CPNE4: variants seen among roughly 807,000 people sequenced by gnomAD.
CPNE4 encodes the protein copine-4.
CPNE4 carries 25 observed loss-of-function variants against 67.9 expected under a neutral mutation model. The ratio of observed to expected loss-of-function variants is 0.37; its 90% CI spans 0.27 to 0.51. The LOEUF is 0.51. Among genes scored for constraint, CPNE4 ranks in the 20% least tolerant of loss-of-function variants. The pLI, the probability that CPNE4 is intolerant of heterozygous loss-of-function variation, is 0.93. For missense variants in CPNE4, 464 were observed against 690.8 expected (o/e 0.67, Z 3.68); for synonymous variants, 242 against 244.9 (o/e 0.99, Z 0.11).
In CPNE4 at chr3:131,605,114, G is replaced by A. The variant is rs373451503; in HGVS notation, c.682-17532C>T. Among the ~76,000 whole-genome samples, 59 of 152,268 alleles carry A rather than the reference G, an allele frequency of 3.9e-4. No individual in the cohort carries two copies. The East Asian group carries it at 9.5e-3, about 24-fold the overall frequency. On this transcript the variant is annotated intron_variant, in intron 7 of 15. Coordinates refer to ENST00000429747, the MANE Select transcript of CPNE4 (RefSeq NM_130808.3). Reference sequence around the variant, plus strand: ...TAACTTTATTGAGATTATTAAGCTAGAAAGGGATGAAGTTAGAATTTAAAT... The same window carrying A: ...TAACTTTATTGAGATTATTAAGCTAAAAAGGGATGAAGTTAGAATTTAAAT...
chr3:131,722,278 T>G (rs112563909), intron 3 of CPNE4, among the ~76,000 whole-genome samples: 3 of 152,104 alleles, frequency 2.0e-5, no homozygotes, highest in African/African-American at 7.2e-5. Flanking sequence ...TTAAGACATA[T>G]AATTTGGAAT....
intron 2 of CPNE4, among the ~76,000 whole-genome samples, chr3:131,745,366 G>A (rs1187483188): frequency 2.0e-5 from 3 of 152,010 alleles, no homozygotes; most frequent in Non-Finnish European, 4.4e-5. Context: ...ATAGGCTGTA[G>A]TTTGTCTTTT....
At chr3:131,661,010 AC>A (rs1172416577) in intron 7 of CPNE4, among the ~76,000 whole-genome samples, 2 of 152,336 alleles carry the variant, frequency 1.3e-5, no homozygotes, top group East Asian at 3.9e-4. Flanking sequence ...GATAGAAGCA[AC>A]CTGAGTTACT....
chr3:131,698,274 A>G (rs60686258), intron 4 of CPNE4, among the ~76,000 whole-genome samples: 18,516 of 147,074 alleles, frequency 0.13, 1,516 homozygotes, highest in African/African-American at 0.19. Context: ...AAAAAGATCA[A>G]ACTTTTCTTG....
At chr3:131,643,568 GA>G (rs2079589766) in intron 7 of CPNE4, among the ~76,000 whole-genome samples, 1 of 152,202 alleles carries the variant, frequency 6.6e-6, no homozygotes, top group Admixed American at 6.5e-5. Flanking sequence ...GGGACTGGTG[GA>G]AAGGCATAAT....
intron 14 of CPNE4, among the ~76,000 whole-genome samples, chr3:131,544,386 A>AGGT (rs1190069150): frequency 6.6e-6 from 1 of 152,104 alleles, no homozygotes; most frequent in East Asian, 1.9e-4. Context: ...TGTAAGCTGG[A>AGGT]GGTAGGTGAA....
At chr3:131,939,263 C>T (rs1330445559) in intron 1 of CPNE4, among the ~76,000 whole-genome samples, 1 of 151,914 alleles carries the variant, frequency 6.6e-6, no homozygotes, top group Non-Finnish European at 1.5e-5. Context: ...GAATACAATG[C>T]AGCTGTCAAC....
chr3:131,596,344 C>T (rs1191533300), intron 7 of CPNE4, among the ~76,000 whole-genome samples: 4 of 116,868 alleles, frequency 3.4e-5, no homozygotes, highest in Non-Finnish European at 5.2e-5. Flanking sequence ...GTAAAGCGGC[C>T]GGGCGCGGTG....
chr3:131,888,009 C>T (rs558030464), intron 2 of CPNE4, among the ~76,000 whole-genome samples: 159 of 152,252 alleles, frequency 1.0e-3, no homozygotes, highest in African/African-American at 3.0e-3. Context: ...TGCCTTCACA[C>T]GATCTGAAAC....
intron 14 of CPNE4, among the ~76,000 whole-genome samples, chr3:131,545,340 A>C (rs565798093): frequency 4.6e-5 from 7 of 152,346 alleles, no homozygotes; most frequent in Non-Finnish European, 1.0e-4. Context: ...CTGCTGATCT[A>C]AACTAGGGGT....
intron 7 of CPNE4, among the ~76,000 whole-genome samples, chr3:131,617,419 C>T (rs1940213777): frequency 6.6e-6 from 1 of 152,150 alleles, no homozygotes; most frequent in South Asian, 2.1e-4. Context: ...CCCAACAACC[C>T]AGGCAGATGG....
At chr3:131,544,762 G>A (rs1935730062) in intron 14 of CPNE4, among the ~76,000 whole-genome samples, 1 of 152,120 alleles carries the variant, frequency 6.6e-6, no homozygotes, top group Non-Finnish European at 1.5e-5. Context: ...GAGTGCACCT[G>A]GAAGACCAGG....
In CPNE4 at chr3:131,533,691, T is replaced by A. The variant is rs949751431; in HGVS notation, c.*1504A>T. 1.1e-4 allele frequency: 16 copies of A among 152,342 alleles called. No homozygotes were observed. Among genetic ancestry groups the A allele is most frequent in the African/African-American group, 3.4e-4 (14 of 41,580 alleles). The allele number at this position is 152,342 out of a possible 1,614,324, so 9.4% of individuals were successfully genotyped here. ...ATTTGGTGACATGTATTTGCAAGAT[T>A]AGGATCTATAATTGTAACTGTGGAA... On this transcript the variant is annotated 3_prime_UTR_variant, in exon 16 of 16. Transcript: ENST00000429747.
At chr3:131,735,522 G>GTCTTAAAGAT (rs2082214643) in intron 2 of CPNE4, among the ~76,000 whole-genome samples, 1 of 152,212 alleles carries the variant, frequency 6.6e-6, no homozygotes, top group South Asian at 2.1e-4. Context: ...GTCTTAAAGA[G>GTCTTAAAGAT]TTCTGCAGCA....
At chr3:131,850,185 T>G (rs1483105595) in intron 2 of CPNE4, among the ~76,000 whole-genome samples, 2 of 152,108 alleles carry the variant, frequency 1.3e-5, no homozygotes, top group Non-Finnish European at 2.9e-5. Context: ...TTTCTCAACT[T>G]AATGTTAACT....
chr3:131,765,450 C>G (rs2082987978), intron 2 of CPNE4, among the ~76,000 whole-genome samples: 1 of 152,062 alleles, frequency 6.6e-6, no homozygotes, highest in Non-Finnish European at 1.5e-5. Context: ...CTTACTGTGC[C>G]CACCAGTCAA....
At position 131,959,937 on chromosome 3, in the gene CPNE4, C is replaced by T. The variant is rs79360374; in HGVS notation, c.-1-54493G>A. Among the ~76,000 whole-genome samples, 1,121 of 152,188 alleles carry T rather than the reference C, an allele frequency of 7.4e-3. 11 individuals carry two copies. The highest frequency in any genetic ancestry group is 0.019 in the African/African-American group (806 of 41,492). On this transcript the variant is annotated intron_variant, in intron 1 of 15. Transcript: ENST00000429747. Reference sequence around the variant, plus strand: ...TTTAAATATCATCTGAATACTAAAACGCTACTGCAAATTTAAGTAATATGT... The same window carrying T: ...TTTAAATATCATCTGAATACTAAAATGCTACTGCAAATTTAAGTAATATGT...
rs1358346172 is a variant in CPNE4, at chr3:131,533,739, CTTG to C, written c.*1453_*1455del. 8.5e-5 allele frequency: 13 copies of C among 152,190 alleles called. No individual in the cohort carries two copies. The South Asian group carries it at 1.2e-3, about 15-fold the overall frequency. The allele number at this position is 152,190 out of a possible 1,614,324, so 9.4% of individuals were successfully genotyped here. On this transcript the variant is annotated 3_prime_UTR_variant, in exon 16 of 16. Transcript: ENST00000429747. ...GAAATCATAGAAGGCATTTTATTTG[CTTG>C]TTAATACTGCTCCCCTCTTCAAACA...
chr3:131,934,725 C>T lies in CPNE4; in HGVS notation c.-1-29281G>A, dbSNP rs911360743. 4.6e-5 allele frequency among the ~76,000 whole-genome samples: 7 copies of T among 152,228 alleles called. No individual in the cohort carries two copies. In the East Asian group the frequency reaches 9.7e-4, roughly 21 times the overall value. On this transcript the variant is annotated intron_variant, in intron 1 of 15. Coordinates refer to ENST00000429747, the MANE Select transcript of CPNE4 (RefSeq NM_130808.3). ...AAGTATGACATGACAGGGATACAGGCTCCTAGGATAACCCAGTTAGGAAGC... is the reference window on the plus strand; with the variant it reads ...AAGTATGACATGACAGGGATACAGGTTCCTAGGATAACCCAGTTAGGAAGC...
Sources: gnomAD v4.1 joint callset for allele counts (sites outside exome capture counted in the v4.1 genomes callset) on GRCh38, gnomAD v4.1.1 for gene constraint, MANE v1.5 for transcripts, NCBI Gene and HGNC (gene_info 2026-07-23, HGNC 2026-07-21) for gene names.